PDGFD: variants seen among roughly 807,000 people sequenced by gnomAD.
The protein encoded by PDGFD is platelet derived growth factor D, also known as platelet-derived growth factor D.
PDGFD carries 30 observed loss-of-function variants against 44.7 expected under a neutral mutation model. That is an observed-to-expected ratio of 0.67 (90% CI 0.50 to 0.91). The LOEUF (loss-of-function observed/expected upper bound fraction) is 0.91, where lower values mean the gene tolerates loss of function less well. Among genes scored for constraint, PDGFD ranks in the 40% least tolerant of loss-of-function variants. The pLI is 0.00. For synonymous variants in PDGFD, 173 were observed against 168.4 expected (o/e 1.03, Z -0.21); for missense variants, 445 against 457.8 (o/e 0.97, Z 0.25).
rs191748817 is a variant in PDGFD at position 103,931,973 on chromosome 11, T to C, written c.773-4847A>G. Among the ~76,000 whole-genome samples, 15 of 152,308 alleles carry C rather than the reference T, an allele frequency of 9.8e-5. No individual in the cohort carries two copies. In the East Asian group the frequency reaches 2.9e-3, roughly 29 times the overall value. On this transcript the variant is annotated intron_variant, in intron 5 of 6. Transcript: ENST00000393158. ...ATGATGTTTTTGAAAACCATGCTCTTGTTCTTCTGTTTTGCTTTCTCTGGC... is the reference window on the plus strand; with the variant it reads ...ATGATGTTTTTGAAAACCATGCTCTCGTTCTTCTGTTTTGCTTTCTCTGGC...
chr11:103,966,757 T>C (rs1859026287), intron 3 of PDGFD, among the ~76,000 whole-genome samples: 1 of 152,332 alleles, frequency 6.6e-6, no homozygotes, highest in South Asian at 2.1e-4. Context: ...TGGGGCACCA[T>C]GGGCACAATA....
intron 3 of PDGFD, among the ~76,000 whole-genome samples, chr11:103,970,901 G>T (rs1859093982): frequency 6.6e-6 from 1 of 152,106 alleles, no homozygotes; most frequent in Non-Finnish European, 1.5e-5. Context: ...GCCTCACAAT[G>T]GAAGCAGTGG....
chr11:103,945,514 T>A (rs9888278), intron 4 of PDGFD: 2 of 151,998 alleles, frequency 1.3e-5, no homozygotes, highest in African/African-American at 4.8e-5. Flanking sequence ...AATAGTGTGG[T>A]TCTAAGAACC....
At chr11:104,041,590 T>C (rs1018103451) in intron 1 of PDGFD, among the ~76,000 whole-genome samples, 1 of 152,096 alleles carries the variant, frequency 6.6e-6, no homozygotes, top group Non-Finnish European at 1.5e-5. Context: ...TCTCAGGCCA[T>C]TTAAAAAATC....
At chr11:103,976,696 G>A (rs1227471550) in intron 3 of PDGFD, among the ~76,000 whole-genome samples, 3 of 151,840 alleles carry the variant, frequency 2.0e-5, no homozygotes, top group South Asian at 2.1e-4. Flanking sequence ...ATTGAGATAC[G>A]TTCTACTGAA....
At chr11:103,924,240 A>G (rs1178897879) in intron 6 of PDGFD, among the ~76,000 whole-genome samples, 1 of 152,196 alleles carries the variant, frequency 6.6e-6, no homozygotes, top group Non-Finnish European at 1.5e-5. Flanking sequence ...CAAAGTCCTG[A>G]CCTTGAATGT....
At chr11:104,059,928 A>G (rs361254) in intron 1 of PDGFD, among the ~76,000 whole-genome samples, 58,122 of 152,102 alleles carry the variant, frequency 0.38, 11,362 homozygotes, top group East Asian at 0.57. Flanking sequence ...ATCATTTTGA[A>G]TATCAGTTGT....
chr11:103,980,439 A>G (rs1384204355), intron 3 of PDGFD, among the ~76,000 whole-genome samples: 1 of 152,116 alleles, frequency 6.6e-6, no homozygotes, highest in Non-Finnish European at 1.5e-5. Flanking sequence ...AGTAATTCAA[A>G]AGGGACTGAC....
intron 3 of PDGFD, among the ~76,000 whole-genome samples, chr11:103,949,694 A>G (rs753354140): frequency 4.6e-5 from 7 of 152,224 alleles, no homozygotes; most frequent in Non-Finnish European, 8.8e-5. Context: ...CCTACCCTCA[A>G]GGAATTCGAA....
chr11:104,139,259 T>C (rs527696375), intron 1 of PDGFD, among the ~76,000 whole-genome samples: 1 of 152,194 alleles, frequency 6.6e-6, no homozygotes, highest in Non-Finnish European at 1.5e-5. Flanking sequence ...TGATTCCTAA[T>C]GCAGGAATCT....
chr11:104,118,413 G>A (rs903927956), intron 1 of PDGFD, among the ~76,000 whole-genome samples: 2 of 151,752 alleles, frequency 1.3e-5, no homozygotes, highest in Non-Finnish European at 2.9e-5. Flanking sequence ...GTTCATCTTC[G>A]ACTTCCCAGC....
chr11:104,143,109 A>G (rs909558561), intron 1 of PDGFD, among the ~76,000 whole-genome samples: 2 of 152,172 alleles, frequency 1.3e-5, no homozygotes, highest in African/African-American at 4.8e-5. Context: ...ATTGTCGTTA[A>G]TATTCTGTAT....
chr11:104,133,419 C>T (rs12280073), intron 1 of PDGFD, among the ~76,000 whole-genome samples: 19,819 of 152,076 alleles, frequency 0.13, 1,430 homozygotes, highest in East Asian at 0.29. Context: ...GTTACAGTGA[C>T]AAGCAGAGTT....
At chr11:104,097,330 A>G (rs1474935918) in intron 1 of PDGFD, among the ~76,000 whole-genome samples, 1 of 152,186 alleles carries the variant, frequency 6.6e-6, no homozygotes, top group Non-Finnish European at 1.5e-5. Context: ...TTTTTCCAAG[A>G]AACATGATTT....
intron 1 of PDGFD, among the ~76,000 whole-genome samples, chr11:104,103,462 GTATATATA>G (rs58684985): frequency 0.44 from 58,767 of 133,078 alleles, 13,665 homozygotes; most frequent in South Asian, 0.58. Context: ...GTGTGTGTGT[GTATATATA>G]TATATATATA....
intron 1 of PDGFD, among the ~76,000 whole-genome samples, chr11:104,118,890 T>TCG (rs1861690050): frequency 1.1e-5 from 1 of 92,424 alleles, no homozygotes; most frequent in Non-Finnish European, 1.9e-5. Context: ...TATATATTAT[T>TCG]ATGTATAATA....
Position 104,005,159 on chromosome 11 carries a change from G to A in PDGFD, c.125-4904C>T, listed in dbSNP as rs113114834. On this transcript the variant is annotated intron_variant, in intron 1 of 6. Transcript: ENST00000393158. ...CTCCTAAAGTGCTGGGATTACAGGC[G>A]TGAGCCACTGTGCCCAAGTCATTAC... 0.024 allele frequency among the ~76,000 whole-genome samples: 3,689 copies of A among 152,188 alleles called. 201 individuals carry two copies. The East Asian group carries it at 0.26, about 11-fold the overall frequency.
At chr11:104,033,327 G>C (rs1370597482) in intron 1 of PDGFD, among the ~76,000 whole-genome samples, 1 of 152,054 alleles carries the variant, frequency 6.6e-6, no homozygotes, top group Non-Finnish European at 1.5e-5. Context: ...CTGGACTATG[G>C]AATCCAAGGG....
At chr11:103,985,575 C>T (rs1859350302) in intron 3 of PDGFD, among the ~76,000 whole-genome samples, 1 of 151,584 alleles carries the variant, frequency 6.6e-6, no homozygotes, top group African/African-American at 2.4e-5. Flanking sequence ...AGGAAATATA[C>T]ATGAGAAATG....
Sources: allele counts gnomAD v4.1 joint callset (sites outside exome capture counted in the v4.1 genomes callset), GRCh38; gene constraint gnomAD v4.1.1; transcripts MANE v1.5; gene names NCBI Gene and HGNC (gene_info 2026-07-23, HGNC 2026-07-21).